CNTNAP2: variants seen among roughly 807,000 people sequenced by gnomAD.
The protein encoded by CNTNAP2 is contactin-associated protein-like 2.
In CNTNAP2, 98 loss-of-function variants were observed where a neutral mutation model predicts 155.2. The ratio of observed to expected loss-of-function variants is 0.63; its 90% confidence interval spans 0.54 to 0.75. CNTNAP2 has a LOEUF of 0.75. Ranked by LOEUF, CNTNAP2 falls within the 30% of genes least tolerant of loss-of-function variation. The pLI is 0.00. For synonymous variants in CNTNAP2, 651 were observed against 631.2 expected, an observed-to-expected ratio of 1.03 and a Z score of -0.47; for missense variants, 1,727 against 1,688.1, an observed-to-expected ratio of 1.02 and a Z score of -0.40.
intron 1 of CNTNAP2, among the ~76,000 whole-genome samples, chr7:146,730,142 C>G (rs934128381): frequency 7.2e-5 from 11 of 152,042 alleles, no homozygotes; most frequent in African/African-American, 2.7e-4. Context: ...TCATTCCTAA[C>G]CAAAAATCAA....
At chr7:147,558,228 C>A (rs1023026086) in intron 11 of CNTNAP2, among the ~76,000 whole-genome samples, 5 of 151,966 alleles carry the variant, frequency 3.3e-5, no homozygotes, top group Non-Finnish European at 7.4e-5. Context: ...TTATATATTT[C>A]TTTTGACATT....
chr7:147,665,386 T>C (rs959738652), intron 13 of CNTNAP2, among the ~76,000 whole-genome samples: 1 of 152,222 alleles, frequency 6.6e-6, no homozygotes, highest in South Asian at 2.1e-4. Context: ...TTGCTTCTAG[T>C]TTGGAAGAAA....
chr7:147,222,752 T>C (rs964645036), intron 8 of CNTNAP2, among the ~76,000 whole-genome samples: 1 of 151,580 alleles, frequency 6.6e-6, no homozygotes, highest in Admixed American at 6.6e-5. Context: ...TCTGATTAGG[T>C]CTCAGTCTCT....
chr7:147,738,860 G>A (rs1203624634), intron 13 of CNTNAP2, among the ~76,000 whole-genome samples: 2 of 151,966 alleles, frequency 1.3e-5, no homozygotes, highest in Non-Finnish European at 2.9e-5. Flanking sequence ...TCGCCATGAT[G>A]GCCAGGCTGG....
chr7:146,313,982 GA>G (rs1204398106), intron 1 of CNTNAP2, among the ~76,000 whole-genome samples: 1 of 151,874 alleles, frequency 6.6e-6, no homozygotes, highest in Non-Finnish European at 1.5e-5. Flanking sequence ...CTGTATGAAA[GA>G]AAGAGACTCC....
At chr7:146,730,173 G>C (rs1410377904) in intron 1 of CNTNAP2, among the ~76,000 whole-genome samples, 2 of 152,118 alleles carry the variant, frequency 1.3e-5, no homozygotes, top group South Asian at 2.1e-4. Context: ...CTGAGACTTT[G>C]ATGATGAAAA....
At chr7:147,026,410 T>G (rs1302515492) in intron 3 of CNTNAP2, among the ~76,000 whole-genome samples, 1 of 152,176 alleles carries the variant, frequency 6.6e-6, no homozygotes, top group Non-Finnish European at 1.5e-5. Flanking sequence ...CACATCTAAA[T>G]AAATGAAAAA....
At chr7:147,925,098 G>A (rs549466004) in intron 14 of CNTNAP2, among the ~76,000 whole-genome samples, 6 of 145,902 alleles carry the variant, frequency 4.1e-5, no homozygotes, top group Non-Finnish European at 6.0e-5. Context: ...CAGCCTGGGC[G>A]ACAGAGCGAG....
At chr7:146,752,684 G>A (rs1280827530) in intron 1 of CNTNAP2, among the ~76,000 whole-genome samples, 1 of 152,140 alleles carries the variant, frequency 6.6e-6, no homozygotes, top group Non-Finnish European at 1.5e-5. Context: ...CAGACATAAA[G>A]TCTTTGCCCA....
intron 15 of CNTNAP2, among the ~76,000 whole-genome samples, chr7:148,049,833 A>G (rs534491495): frequency 6.6e-6 from 1 of 152,222 alleles, no homozygotes; most frequent in East Asian, 1.9e-4. Flanking sequence ...ACATTTTATC[A>G]TTCAAGTGTA....
intron 1 of CNTNAP2, among the ~76,000 whole-genome samples, chr7:146,646,835 G>T (rs908086210): frequency 3.9e-5 from 6 of 152,200 alleles, no homozygotes; most frequent in African/African-American, 1.4e-4. Context: ...GAAAGAAGGT[G>T]TCAAGACAAG....
intron 10 of CNTNAP2, among the ~76,000 whole-genome samples, chr7:147,464,640 A>G (rs982361952): frequency 6.6e-6 from 1 of 152,124 alleles, no homozygotes; most frequent in African/African-American, 2.4e-5. Context: ...TTCTAGCTCT[A>G]AATTTTACCA....
chr7:147,124,077 G>A (rs1317191348), intron 6 of CNTNAP2, among the ~76,000 whole-genome samples: 2 of 151,984 alleles, frequency 1.3e-5, no homozygotes, highest in Non-Finnish European at 2.9e-5. Context: ...ACACCTCACG[G>A]ACTGTATTAG....
At chr7:146,149,216 G>T (rs1797999487) in intron 1 of CNTNAP2, among the ~76,000 whole-genome samples, 1 of 151,848 alleles carries the variant, frequency 6.6e-6, no homozygotes, top group Admixed American at 6.6e-5. Context: ...AAAAAATATG[G>T]TATCTTAATA....
intron 8 of CNTNAP2, among the ~76,000 whole-genome samples, chr7:147,288,811 A>T (rs1385052890): frequency 6.6e-6 from 1 of 152,212 alleles, no homozygotes; most frequent in Admixed American, 6.5e-5. Context: ...CCTGAAACCC[A>T]TCTCAAATGC....
chr7:146,658,399 T>A (rs958899328), intron 1 of CNTNAP2, among the ~76,000 whole-genome samples: 4 of 139,816 alleles, frequency 2.9e-5, no homozygotes, highest in African/African-American at 7.8e-5. Flanking sequence ...AAAAAAAAAA[T>A]ACGAAGTTTG....
intron 1 of CNTNAP2, among the ~76,000 whole-genome samples, chr7:146,735,244 A>G (rs907610858): frequency 6.6e-6 from 1 of 152,170 alleles, no homozygotes; most frequent in South Asian, 2.1e-4. Flanking sequence ...ATGGTTTTAC[A>G]TTAGAGCTTT....
intron 17 of CNTNAP2, among the ~76,000 whole-genome samples, chr7:148,171,806 A>C (rs1264872916): frequency 2.0e-5 from 3 of 152,216 alleles, no homozygotes; most frequent in African/African-American, 7.2e-5. Context: ...AAACGGATTT[A>C]TGTCTTCCAA....
At chr7:147,229,245 A>G (rs1236136232) in intron 8 of CNTNAP2, among the ~76,000 whole-genome samples, 1 of 152,134 alleles carries the variant, frequency 6.6e-6, no homozygotes, top group Non-Finnish European at 1.5e-5. Flanking sequence ...CCATAGCTTT[A>G]CTCAAGAATG....
Sources: gnomAD v4.1 joint callset for allele counts (sites outside exome capture counted in the v4.1 genomes callset) on GRCh38, gnomAD v4.1.1 for gene constraint, MANE v1.5 for transcripts, NCBI Gene and HGNC (gene_info 2026-07-23, HGNC 2026-07-21) for gene names.